The following RGS12 variants were observed in gnomAD, a reference collection of about 807,000 sequenced individuals.
RGS12 encodes the protein regulator of G protein signaling 12.
In RGS12, 66 loss-of-function variants were observed where a neutral mutation model predicts 120.1. The ratio of observed to expected loss-of-function variants is 0.55; its 90% CI spans 0.45 to 0.67. The LOEUF (loss-of-function observed/expected upper bound fraction) is 0.67. Ranked by LOEUF, RGS12 falls within the 30% of genes least tolerant of loss-of-function variation. RGS12 has a pLI of 0.00. For synonymous variants in RGS12, 827 were observed against 804.7 expected (o/e 1.03, Z -0.47); for missense variants, 1,859 against 1,957.7 (o/e 0.95, Z 0.95).
chr4:3,366,949 G>T lies in RGS12; in HGVS notation c.1999-19467G>T, dbSNP rs576238205. The stretch of plus-strand genomic sequence containing the variant: ...ATAGCCCACGTGGGTCCTCACCTCT[G>T]CCCGGCTCAGCTCCTCCCCGCCCAG... On this transcript the variant is annotated intron_variant, in intron 3 of 17. Transcript: ENST00000336727. This position sits in a 1 kb window ranked among gnomAD's most constrained non-coding sequence, Gnocchi z 4.0. Among the ~76,000 whole-genome samples the T allele has an allele frequency of 1.3e-5, 2 of 152,274 alleles. No individual in the cohort carries two copies. Among genetic ancestry groups the T allele is most frequent in the African/African-American group, 4.8e-5 (2 of 41,544 alleles).
chr4:3,310,869 G>A (rs1268257178), intron 1 of RGS12, among the ~76,000 whole-genome samples: 4 of 152,158 alleles, frequency 2.6e-5, no homozygotes, highest in South Asian at 2.1e-4. Context: ...GTGCATCCAC[G>A]TAAGTGTGGG....
intron 1 of RGS12, among the ~76,000 whole-genome samples, chr4:3,299,262 C>T (rs902810537): frequency 2.6e-5 from 4 of 152,062 alleles, no homozygotes; most frequent in East Asian, 1.9e-4. Context: ...ACAGATCTCA[C>T]GACTGCCTCT....
At chr4:3,320,483 C>T (rs867654916) in intron 2 of RGS12, among the ~76,000 whole-genome samples, 6 of 152,142 alleles carry the variant, frequency 3.9e-5, no homozygotes, top group African/African-American at 9.7e-5. Flanking sequence ...TCAGGCCAGG[C>T]GATTGAGGTT....
intron 1 of RGS12, among the ~76,000 whole-genome samples, chr4:3,313,818 C>A (rs1055312584): frequency 2.6e-5 from 4 of 152,194 alleles, no homozygotes; most frequent in Non-Finnish European, 5.9e-5. Context: ...CCACACTCTC[C>A]CCATCTCTAG....
intron 1 of RGS12, among the ~76,000 whole-genome samples, chr4:3,300,323 C>T (rs552571189): frequency 2.0e-5 from 3 of 152,264 alleles, no homozygotes; most frequent in South Asian, 4.2e-4. Context: ...TGGCTTGCCC[C>T]GCCTGCCAGA....
At chr4:3,439,211 G>A (rs920825346) in intron 17 of RGS12, among the ~76,000 whole-genome samples, 1 of 152,094 alleles carries the variant, frequency 6.6e-6, no homozygotes, top group African/African-American at 2.4e-5. Flanking sequence ...TTTCTGAGTG[G>A]GTCGGCTCCC....
chr4:3,428,655 C>T lies in RGS12; in HGVS notation c.3509C>T (p.Ser1170Phe). 6.2e-7 allele frequency: 1 copy of T among 1,601,512 alleles called. No individual in the cohort carries two copies. The highest frequency in any genetic ancestry group is 8.5e-7 in the Non-Finnish European group (1 of 1,176,370). ...RDPRLSKREE[S>F]IAKIGKKKYQ... is the part of the protein sequence containing the mutation. ...CCCCGGCTTTCAAAGAGAGAAGAAT[C>T]TATTGCAAAGATTGGGAAAAAAAAA... The change falls in exon 16 of 18, where the codon TCT (serine) becomes TTT (phenylalanine). Residue 1170 changes from serine to phenylalanine, a missense_variant. Ser to Phe is a radical substitution (Grantham distance 155). Transcript: ENST00000336727.
In RGS12 at chr4:3,366,277, G is replaced by A. The variant is rs1166711321; in HGVS notation, c.1999-20139G>A. Among the ~76,000 whole-genome samples, 1 of 152,140 alleles carries A rather than the reference G, an allele frequency of 6.6e-6. No homozygotes were observed. Among genetic ancestry groups the A allele is most frequent in the Non-Finnish European group, 1.5e-5 (1 of 68,022 alleles). On this transcript the variant is annotated intron_variant, in intron 3 of 17. Coordinates refer to ENST00000336727, the MANE Select transcript of RGS12 (RefSeq NM_001394154.1). This position sits in a 1 kb window ranked among gnomAD's most constrained non-coding sequence, Gnocchi z 4.0. ...GCCAGCTGTCTAGTTGGTTATGCGG[G>A]GTCAGGGGTGGAGGGCAGGAGGATG...
upstream of RGS12, among the ~76,000 whole-genome samples, chr4:3,290,735 G>A (rs1005563938): frequency 1.3e-5 from 2 of 152,246 alleles, no homozygotes; most frequent in African/African-American, 4.8e-5. Context: ...AACAGAGGCC[G>A]CCCTGCCAGT....
intron 2 of RGS12, among the ~76,000 whole-genome samples, chr4:3,328,048 A>G (rs1725679576): frequency 6.6e-6 from 1 of 152,278 alleles, no homozygotes; most frequent in Admixed American, 6.5e-5. Flanking sequence ...CCAATGGAAT[A>G]CTATTCAGCC....
chr4:3,354,033 CCT>C (rs1466483807), intron 3 of RGS12, among the ~76,000 whole-genome samples: 1 of 152,148 alleles, frequency 6.6e-6, no homozygotes, highest in Non-Finnish European at 1.5e-5. Flanking sequence ...TTCTGGCGTT[CCT>C]TTAATTAGTG....
At chr4:3,423,480 A>G (rs912008056) in intron 12 of RGS12, 35 bp from the exon 13 acceptor site, 3 of 1,611,156 alleles carry the variant, frequency 1.9e-6, no homozygotes, top group African/African-American at 1.3e-5. Context: ...GAGGGCTGAC[A>G]TGAGTTGGTA....
chr4:3,391,458 C>T (rs984172945), intron 4 of RGS12, among the ~76,000 whole-genome samples: 1 of 152,202 alleles, frequency 6.6e-6, no homozygotes, highest in African/African-American at 2.4e-5. Context: ...TTAACGTGTG[C>T]TAGCCAGGGG....
chr4:3,309,502 C>CAGGAATGGCAGGTGTCCGCTGAG (rs1724198996), intron 1 of RGS12, among the ~76,000 whole-genome samples: 88 of 118,064 alleles, frequency 7.5e-4, no homozygotes, highest in Middle Eastern at 5.8e-3. Context: ...AGCTGGGACC[C>CAGGAATGGCAGGTGTCCGCTGAG]GGGAAATGGC....
In RGS12 at chr4:3,318,011, G is replaced by A. The variant is rs1444110604; in HGVS notation, c.1841G>A (p.Gly614Asp). The change falls in exon 2 of 18, where the codon GGT (glycine) becomes GAT (aspartate). Residue 614 changes from glycine (G) to aspartate (D), a missense_variant. Transcript: ENST00000336727. ...RKAFGMQSIF[G>D]PHRNVRKTKE... is the part of the protein sequence containing the mutation. ...GCCTTTGGAATGCAAAGCATTTTTGGTCCCCATCGAAATGTTCGAAAGACT... is the reference window on the plus strand; with the variant it reads ...GCCTTTGGAATGCAAAGCATTTTTGATCCCCATCGAAATGTTCGAAAGACT... 2 of 1,609,606 alleles carry A rather than the reference G, an allele frequency of 1.2e-6. No individual in the cohort carries two copies. Among genetic ancestry groups the A allele is most frequent in the Non-Finnish European group, 1.7e-6 (2 of 1,177,930 alleles).
chr4:3,432,457 A>G (rs1482215971), intron 17 of RGS12, among the ~76,000 whole-genome samples: 1 of 152,096 alleles, frequency 6.6e-6, no homozygotes, highest in Non-Finnish European at 1.5e-5. Flanking sequence ...GCAGTCCCGC[A>G]CCCACACCCC....
At chr4:3,412,634 C>T (rs909140726) in intron 4 of RGS12, among the ~76,000 whole-genome samples, 4 of 152,218 alleles carry the variant, frequency 2.6e-5, no homozygotes, top group Admixed American at 2.0e-4. Context: ...GGGAACATAG[C>T]GTATTTTATT....
chr4:3,287,217 G>A, the RGS12 span, among the ~76,000 whole-genome samples: 1 of 152,214 alleles, frequency 6.6e-6, no homozygotes, highest in Admixed American at 6.5e-5. Context: ...AGGTGGACTC[G>A]AAGAGCAACA....
At chr4:3,411,888 G>GT (rs1344867309) in intron 4 of RGS12, among the ~76,000 whole-genome samples, 3 of 152,276 alleles carry the variant, frequency 2.0e-5, no homozygotes, top group African/African-American at 7.2e-5. Context: ...GCTGGTGCGC[G>GT]TCTTCTTGCA....
Sources: gnomAD v4.1 joint callset for allele counts (sites outside exome capture counted in the v4.1 genomes callset) on GRCh38, gnomAD v4.1.1 for gene constraint, Gnocchi (gnomAD v3.1) non-coding constraint, MANE v1.5 for transcripts, NCBI Gene and HGNC (gene_info 2026-07-23, HGNC 2026-07-21) for gene names.